Variants in WDR43 observed in about 807,000 individuals in gnomAD.
WDR43 encodes the protein WD repeat-containing protein 43.
A neutral mutation model predicts 91.4 loss-of-function variants in WDR43; 13 were observed. That is an observed-to-expected ratio of 0.14 (90% CI 0.09 to 0.23). WDR43 has a LOEUF of 0.23. Ranked by LOEUF, WDR43 falls within the 10% of genes least tolerant of loss-of-function variation. WDR43 has a pLI of 1.00. For missense variants in WDR43, 780 were observed against 809.4 expected (o/e 0.96, Z 0.44); for synonymous variants, 331 against 287.9 (o/e 1.15, Z -1.51).
At chr2:28,906,683 G>T (rs1670688275) in intron 3 of WDR43, 102 bp downstream of exon 3, 3 of 1,356,540 alleles carry the variant, frequency 2.2e-6, no homozygotes, top group Admixed American at 3.1e-5. Context: ...CATTTACAAA[G>T]AACTTTTAAT....
rs1671392972 is a variant in WDR43, at chr2:28,939,271, C to T, written c.1620+1277C>T. Among the ~76,000 whole-genome samples the T allele has an allele frequency of 3.3e-5, 5 of 152,058 alleles. No individual in the cohort carries two copies. The South Asian group carries it at 1.0e-3, about 32-fold the overall frequency. On this transcript the variant is annotated intron_variant, in intron 14 of 17. Coordinates refer to ENST00000407426, the MANE Select transcript of WDR43 (RefSeq NM_015131.3). ...GGGCATTGCAATTGCATGAACGATC[C>T]CAGCAGACATCGGATCTTAGGAATC...
In WDR43 at chr2:28,946,760, A is replaced by G; in HGVS notation, c.2015A>G (p.Asn672Ser). The G allele has an allele frequency of 6.3e-7, 1 of 1,581,422 alleles. No individual in the cohort carries two copies. The change falls in exon 18 of 18, where the codon AAT (asparagine) becomes AGT (serine). Residue 672 changes from asparagine to serine, a missense_variant. Transcript: ENST00000407426. ...GGAGATTCTGATTTAGATCCTGAAA[A>G]TGAAAGTGAAGAAGAATGAAGACAG... ...LNGDSDLDPE[N>S]ESEEE
At position 28,947,517 on chromosome 2, in the gene WDR43, G is replaced by A. The variant is rs1423311505; in HGVS notation, c.*738G>A. On this transcript the variant is annotated 3_prime_UTR_variant, in exon 18 of 18. Transcript: ENST00000407426. ...GCAAATTACTTCTAAAGAATCATCA[G>A]TGTATAGATTAGAAGTGCTCATTAC... is the stretch of plus-strand genomic sequence containing the variant. 1 of 152,108 alleles carries A rather than the reference G, an allele frequency of 6.6e-6. No individual in the cohort carries two copies. The highest frequency in any genetic ancestry group is 1.9e-4 in the East Asian group (1 of 5,196). 9.4% of individuals were successfully genotyped at this position (152,108 alleles called of 1,614,324 possible). A position where few individuals can be genotyped will look rare whatever the true frequency, so the allele number is the denominator to read the frequency against.
At chr2:28,943,287 C>T (rs966587949) in intron 16 of WDR43, among the ~76,000 whole-genome samples, 2 of 152,118 alleles carry the variant, frequency 1.3e-5, no homozygotes, top group African/African-American at 4.8e-5. Flanking sequence ...GTTGAGCCAC[C>T]ATGCCTGGCC....
intron 11 of WDR43, among the ~76,000 whole-genome samples, chr2:28,933,082 T>G (rs1209115964): frequency 6.6e-6 from 1 of 152,160 alleles, no homozygotes; most frequent in African/African-American, 2.4e-5. Context: ...ATATATTTAA[T>G]CCATTCTCAA....
chr2:28,933,961 T>A (rs1485591454), intron 11 of WDR43, among the ~76,000 whole-genome samples: 1 of 152,218 alleles, frequency 6.6e-6, no homozygotes, highest in Non-Finnish European at 1.5e-5. Flanking sequence ...CCACATATGA[T>A]GGAGCCATTC....
chr2:28,913,932 T>G, intron 4 of WDR43, 137 bp from the exon 5 acceptor site: 2 of 1,003,008 alleles, frequency 2.0e-6, no homozygotes, highest in Non-Finnish European at 2.9e-6. Flanking sequence ...TTGCTTAGAA[T>G]TGAATTGAAC....
rs766426896 is a variant in WDR43, at chr2:28,912,676, A to G, written c.572A>G (p.Lys191Arg). Reference protein sequence around the residue: ...KMLLSAGRTIKLWVLETKEVY... With the variant: ...KMLLSAGRTIRLWVLETKEVY... ...TTGCTTTCAGCTGGTCGAACAATCAAACTATGGGTTTTGGAGACCAAAGAA... is the reference window on the plus strand; with the variant it reads ...TTGCTTTCAGCTGGTCGAACAATCAGACTATGGGTTTTGGAGACCAAAGAA... The change falls in exon 4 of 18, where the codon AAA becomes AGA. Residue 191 changes from lysine to arginine, a missense_variant. This residue lies in a region of WDR43 where 174 missense variants were observed against 207.3 expected (regional missense o/e 0.84). Coordinates refer to ENST00000407426, the MANE Select transcript of WDR43 (RefSeq NM_015131.3). 6.2e-6 allele frequency: 10 copies of G among 1,613,888 alleles called. No homozygotes were observed. The highest frequency in any genetic ancestry group is 1.3e-5 in the African/African-American group (1 of 74,940).
chr2:28,898,371 T>C (rs1049456323), intron 1 of WDR43, among the ~76,000 whole-genome samples: 1 of 152,242 alleles, frequency 6.6e-6, no homozygotes, highest in Non-Finnish European at 1.5e-5. Context: ...TGTCTTGAGG[T>C]CTTGCTAACA....
At chr2:28,899,789 T>C (rs1670546262) in intron 1 of WDR43, among the ~76,000 whole-genome samples, 1 of 152,196 alleles carries the variant, frequency 6.6e-6, no homozygotes, top group Non-Finnish European at 1.5e-5. Context: ...TGTGTTACCT[T>C]TTTAAATATG....
intron 3 of WDR43, among the ~76,000 whole-genome samples, chr2:28,910,217 CCTAA>C (rs533467439): frequency 2.1e-4 from 32 of 152,228 alleles, no homozygotes; most frequent in African/African-American, 7.7e-4. Flanking sequence ...GTATTATTAG[CCTAA>C]CTAGCATTTT....
intron 16 of WDR43, among the ~76,000 whole-genome samples, chr2:28,942,831 G>A (rs1012713666): frequency 2.0e-5 from 3 of 151,828 alleles, no homozygotes; most frequent in Admixed American, 6.6e-5. Context: ...TGCCCAGGAT[G>A]GTCTCAAACT....
intron 1 of WDR43, among the ~76,000 whole-genome samples, chr2:28,900,985 CGTT>C (rs1189705859): frequency 1.3e-5 from 2 of 152,236 alleles, no homozygotes; most frequent in African/African-American, 2.4e-5. Context: ...GCACTGGTAA[CGTT>C]GTGGTTGTCA....
rs747423784 is a variant in WDR43 at position 28,937,955 on chromosome 2, A to G, written c.1581A>G (p.Leu527=). The part of the protein sequence containing the change: ...PNSAVLMVQW[L]KCVLTVHASY... ...GTGCTGTGCTAATGGTTCAGTGGCTAAAATGTGTGTTAACAGTTCATGCAT... is the reference window on the plus strand; with the variant it reads ...GTGCTGTGCTAATGGTTCAGTGGCTGAAATGTGTGTTAACAGTTCATGCAT... Residue 527 remains leucine (L), a synonymous_variant, in exon 14 of 18, where the codon CTA becomes CTG. Coordinates refer to ENST00000407426, the MANE Select transcript of WDR43 (RefSeq NM_015131.3). 56 of 1,613,754 alleles carry G rather than the reference A, an allele frequency of 3.5e-5. No homozygotes were observed. Among genetic ancestry groups the G allele is most frequent in the Non-Finnish European group, 4.6e-5 (54 of 1,179,844 alleles).
intron 8 of WDR43, among the ~76,000 whole-genome samples, chr2:28,926,159 C>G (rs767682061): frequency 9.9e-5 from 15 of 152,068 alleles, no homozygotes; most frequent in Non-Finnish European, 1.8e-4. Flanking sequence ...TCTTTAAAAC[C>G]TGTTACGTTT....
intron 15 of WDR43, among the ~76,000 whole-genome samples, chr2:28,941,992 G>A (rs973798199): frequency 6.6e-6 from 1 of 152,146 alleles, no homozygotes; most frequent in African/African-American, 2.4e-5. Context: ...AGTTGTGTCT[G>A]TTTCAACTTT....
At chr2:28,925,189 C>A (rs550789438) in intron 8 of WDR43, 36 bp downstream of exon 8, 1 of 1,556,340 alleles carries the variant, frequency 6.4e-7, no homozygotes, top group Non-Finnish European at 8.7e-7. Flanking sequence ...AGCAATATAG[C>A]ATCCCTGTGT....
At chr2:28,927,178 A>C (rs745986161) in intron 9 of WDR43, 2 of 518,742 alleles carry the variant, frequency 3.9e-6, no homozygotes, top group Non-Finnish European at 7.7e-6. Flanking sequence ...AGGTAGTTGT[A>C]AAATGTGTAA....
chr2:28,906,709 A>G (rs974944981), intron 3 of WDR43, 128 bp downstream of exon 3: 19 of 1,173,832 alleles, frequency 1.6e-5, no homozygotes, highest in Non-Finnish European at 1.9e-5. Flanking sequence ...CGAGCATGCA[A>G]GATTTTAATA....
Sources: allele counts gnomAD v4.1 joint callset (sites outside exome capture counted in the v4.1 genomes callset), GRCh38; gene constraint gnomAD v4.1.1; regional missense constraint gnomAD v4.1.1; transcripts MANE v1.5; gene names NCBI Gene and HGNC (gene_info 2026-07-23, HGNC 2026-07-21).